Variants in SGIP1 observed in about 807,000 individuals in gnomAD.
SGIP1 encodes SH3GL interacting endocytic adaptor 1.
Under a neutral mutation model 107.5 loss-of-function variants are expected in SGIP1, and 38 were observed. That is an observed-to-expected ratio of 0.35 (90% CI 0.27 to 0.46). SGIP1 has a LOEUF of 0.46. Among genes scored for constraint, SGIP1 ranks in the 20% least tolerant of loss-of-function variants. The probability of loss-of-function intolerance (pLI) is 1.00; values close to 1 mark genes in which losing one functional copy is unlikely to be tolerated. For missense variants in SGIP1, 929 were observed against 1,019.5 expected (o/e 0.91, Z 1.21); for synonymous variants, 365 against 366.1 (o/e 1.00, Z 0.03).
rs558053687 is a variant in SGIP1, at chr1:66,699,164, G to A, written c.1630+3671G>A. ...TTCCTGACGAAATCCTGACTCTTAG[G>A]AGCCATCACTTCCATAGCACTCTCT... On this transcript the variant is annotated intron_variant, in intron 18 of 24. Transcript: ENST00000371037. Among the ~76,000 whole-genome samples the A allele has an allele frequency of 3.9e-5, 6 of 151,906 alleles. No homozygotes were observed. In the South Asian group the frequency reaches 1.0e-3, roughly 26 times the overall value.
chr1:66,618,411 AT>A (rs1459710598), intron 1 of SGIP1, among the ~76,000 whole-genome samples: 1 of 152,246 alleles, frequency 6.6e-6, no homozygotes, highest in Non-Finnish European at 1.5e-5. Context: ...TTTAAAAAAA[AT>A]GATTATATAA....
At chr1:66,690,367 T>A in intron 17 of SGIP1, 51 bp downstream of exon 17, 1 of 1,607,852 alleles carries the variant, frequency 6.2e-7, no homozygotes, top group South Asian at 1.1e-5. Context: ...GACTGGCTAT[T>A]TTTTATGATC....
At chr1:66,677,236 A>ATTATTAT in intron 13 of SGIP1, 140 bp downstream of exon 13, 1 of 652,418 alleles carries the variant, frequency 1.5e-6, no homozygotes, top group Non-Finnish European at 2.6e-6. Context: ...TGTTATTCTA[A>ATTATTAT]CAGGCTTTCA....
intron 1 of SGIP1, among the ~76,000 whole-genome samples, chr1:66,614,604 A>G (rs1433257101): frequency 9.9e-5 from 15 of 152,214 alleles, no homozygotes; most frequent in African/African-American, 3.6e-4. Context: ...TCATATTTAC[A>G]TACATAATTT....
At chr1:66,591,729 A>T (rs2063666208) in intron 1 of SGIP1, among the ~76,000 whole-genome samples, 1 of 152,196 alleles carries the variant, frequency 6.6e-6, no homozygotes, top group African/African-American at 2.4e-5. Context: ...CTGGTCTCTG[A>T]GTTCCCTCAG....
intron 18 of SGIP1, among the ~76,000 whole-genome samples, chr1:66,696,986 A>G (rs966682340): frequency 2.0e-5 from 3 of 152,232 alleles, no homozygotes; most frequent in Admixed American, 6.5e-5. Flanking sequence ...CCATCTGGTC[A>G]CACCAGATGA....
chr1:66,675,071 G>A (rs776471925), intron 12 of SGIP1, among the ~76,000 whole-genome samples: 1 of 152,184 alleles, frequency 6.6e-6, no homozygotes, highest in Non-Finnish European at 1.5e-5. Context: ...TAACTCATCT[G>A]TGATCAATCT....
intron 21 of SGIP1, among the ~76,000 whole-genome samples, chr1:66,738,799 A>G (rs1289017179): frequency 6.6e-6 from 1 of 152,198 alleles, no homozygotes; most frequent in East Asian, 1.9e-4. Context: ...AAGAGCAAAT[A>G]TGGTAAGAAT....
chr1:66,749,938 G>C lies in SGIP1; in HGVS notation c.*6843G>C, dbSNP rs1043141720. ...TGTTGATTTTTCAGGTCAGAATTTA[G>C]TTCTTGCTTTGTTAAATGGACATAC... On this transcript the variant is annotated 3_prime_UTR_variant, in exon 25 of 25. Coordinates refer to ENST00000371037, the MANE Select transcript of SGIP1 (RefSeq NM_032291.4). 2.6e-5 allele frequency among the ~76,000 whole-genome samples: 4 copies of C among 151,682 alleles called. No individual in the cohort carries two copies. Among genetic ancestry groups the C allele is most frequent in the African/African-American group, 9.7e-5 (4 of 41,290 alleles).
At chr1:66,607,660 C>G (rs2067122588) in intron 1 of SGIP1, among the ~76,000 whole-genome samples, 1 of 152,160 alleles carries the variant, frequency 6.6e-6, no homozygotes, top group South Asian at 2.1e-4. Context: ...TGCCCCACCC[C>G]CCTACACCAT....
intron 1 of SGIP1, among the ~76,000 whole-genome samples, chr1:66,579,527 A>G (rs1316939053): frequency 6.6e-6 from 1 of 152,210 alleles, no homozygotes; most frequent in African/African-American, 2.4e-5. Context: ...CTGTGCATGT[A>G]GCAAGACACC....
At chr1:66,534,446 G>A in intron 1 of SGIP1, 78 bp downstream of exon 1, 1 of 1,535,872 alleles carries the variant, frequency 6.5e-7, no homozygotes, top group South Asian at 1.1e-5. Flanking sequence ...TGTGCAGCCA[G>A]TGTATGTGGC....
intron 1 of SGIP1, among the ~76,000 whole-genome samples, chr1:66,610,699 G>A (rs1443612079): frequency 8.0e-6 from 1 of 124,448 alleles, no homozygotes; most frequent in Non-Finnish European, 1.6e-5. Flanking sequence ...AAGGAATTCA[G>A]TAAGTCATAG....
chr1:66,711,136 A>G (rs1436369197), intron 18 of SGIP1, among the ~76,000 whole-genome samples: 2 of 152,200 alleles, frequency 1.3e-5, no homozygotes, highest in African/African-American at 4.8e-5. Context: ...ACTTTAGTTT[A>G]TGACAGCTTA....
chr1:66,730,143 G>A (rs1026952169), intron 20 of SGIP1, among the ~76,000 whole-genome samples: 1 of 152,090 alleles, frequency 6.6e-6, no homozygotes, highest in African/African-American at 2.4e-5. Context: ...GACTGTGCAT[G>A]TGCATATGCA....
At chr1:66,544,763 T>G (rs565952696) in intron 1 of SGIP1, among the ~76,000 whole-genome samples, 36 of 152,258 alleles carry the variant, frequency 2.4e-4, no homozygotes, top group African/African-American at 8.2e-4. Context: ...CAAATGCCCT[T>G]AGTGAATCAC....
chr1:66,569,897 A>G (rs2060147903), intron 1 of SGIP1, among the ~76,000 whole-genome samples: 1 of 151,842 alleles, frequency 6.6e-6, no homozygotes, highest in African/African-American at 2.4e-5. Context: ...TTCAATTTCT[A>G]TAATAGATAT....
intron 21 of SGIP1, among the ~76,000 whole-genome samples, chr1:66,736,613 T>C (rs609939): frequency 0.24 from 7,725 of 31,808 alleles, 3,010 homozygotes; most frequent in Non-Finnish European, 0.4. Context: ...TATAATATAT[T>C]GCGTATTATA....
chr1:66,718,419 T>A (rs1344023669), intron 18 of SGIP1, among the ~76,000 whole-genome samples: 3 of 152,076 alleles, frequency 2.0e-5, no homozygotes, highest in Admixed American at 6.6e-5. Flanking sequence ...ATGGGTATAG[T>A]GGGAAAAACA....
Sources: gnomAD v4.1 joint callset for allele counts (sites outside exome capture counted in the v4.1 genomes callset) on GRCh38, gnomAD v4.1.1 for gene constraint, MANE v1.5 for transcripts, NCBI Gene and HGNC (gene_info 2026-07-23, HGNC 2026-07-21) for gene names.